The following NUP98 variants were observed in gnomAD, a reference collection of about 807,000 sequenced individuals.
NUP98 encodes the protein nuclear pore complex protein Nup98-Nup96.
In NUP98, 26 loss-of-function variants were observed where a neutral mutation model predicts 191.9. The ratio of observed to expected loss-of-function variants is 0.14; its 90% confidence interval spans 0.10 to 0.19. The LOEUF (loss-of-function observed/expected upper bound fraction) is 0.19, where lower values mean the gene tolerates loss of function less well. Among genes scored for constraint, NUP98 ranks in the 10% least tolerant of loss-of-function variants. The pLI is 1.00. For synonymous variants in NUP98, 808 were observed against 778.4 expected (o/e 1.04, Z -0.63); for missense variants, 1,941 against 2,178.8 (o/e 0.89, Z 2.17).
Position 3,732,731 on chromosome 11 carries a change from T to C in NUP98, c.1543-1153A>G, listed in dbSNP as rs549410224. On this transcript the variant is annotated intron_variant, in intron 13 of 32. Coordinates refer to ENST00000324932, the MANE Select transcript of NUP98 (RefSeq NM_016320.5). ...CACCTCTACAACATCCTGAGGATGT[T>C]CTATATTTGTTTTCCTAACAGCATA... Among the ~76,000 whole-genome samples, 4 of 152,344 alleles carry C rather than the reference T, an allele frequency of 2.6e-5. No homozygotes were observed. In the South Asian group the frequency reaches 6.2e-4, roughly 24 times the overall value.
chr11:3,762,412 G>A (rs1419716446), intron 9 of NUP98, among the ~76,000 whole-genome samples: 1 of 151,724 alleles, frequency 6.6e-6, no homozygotes, highest in Non-Finnish European at 1.5e-5. Flanking sequence ...GTGAGCCACC[G>A]CGCCTGGCTC....
intron 16 of NUP98, among the ~76,000 whole-genome samples, chr11:3,721,546 A>C (rs2079400928): frequency 6.6e-6 from 1 of 152,124 alleles, no homozygotes; most frequent in East Asian, 1.9e-4. Context: ...CAAAAATACA[A>C]AAATTAGCTG....
At chr11:3,688,300 G>A (rs2078190213) in intron 28 of NUP98, among the ~76,000 whole-genome samples, 1 of 152,058 alleles carries the variant, frequency 6.6e-6, no homozygotes, top group Non-Finnish European at 1.5e-5. Context: ...CAGCTACTCG[G>A]GAAGCTGAGG....
At chr11:3,717,563 C>G (rs2079230486) in intron 18 of NUP98, among the ~76,000 whole-genome samples, 1 of 152,096 alleles carries the variant, frequency 6.6e-6, no homozygotes. Flanking sequence ...TTGTTTATAA[C>G]TAGTAAGTTT....
At chr11:3,793,376 G>A (rs991600363) in intron 1 of NUP98, among the ~76,000 whole-genome samples, 2 of 151,886 alleles carry the variant, frequency 1.3e-5, no homozygotes, top group Non-Finnish European at 2.9e-5. Flanking sequence ...TGCAACCTCT[G>A]CCTCCTGGGT....
At chr11:3,783,316 A>G (rs944595263) in intron 1 of NUP98, among the ~76,000 whole-genome samples, 4 of 152,262 alleles carry the variant, frequency 2.6e-5, no homozygotes, top group African/African-American at 9.6e-5. Context: ...TGAGCCCAGA[A>G]GGTGGAGGTT....
rs549214359 is a variant in NUP98 at position 3,698,725 on chromosome 11, CAAAAAAAAA to C, written c.4009+348_4009+356del. Among the ~76,000 whole-genome samples the C allele has an allele frequency of 1.4e-4, 5 of 35,752 alleles. 1 individual carries two copies. The highest frequency in any genetic ancestry group is 1.3e-3 in the East Asian group (1 of 766). 23.5% of individuals were successfully genotyped at this position (35,752 alleles called of 152,430 possible). Reference sequence around the variant, plus strand: ...CTGGGCAACAAGAGTGAAACTGTCTCAAAAAAAAAAAAAAAAAAAAAAAAAAGTCATGGT... The same window carrying C: ...CTGGGCAACAAGAGTGAAACTGTCTCAAAAAAAAAAAAAAAAAGTCATGGT... On this transcript the variant is annotated intron_variant, in intron 25 of 32. Coordinates refer to ENST00000324932, the MANE Select transcript of NUP98 (RefSeq NM_016320.5).
chr11:3,735,723 T>C (rs531037002), intron 12 of NUP98, among the ~76,000 whole-genome samples: 2 of 150,394 alleles, frequency 1.3e-5, no homozygotes, highest in East Asian at 3.9e-4. Flanking sequence ...CTAAAGGAAA[T>C]AATACGACAG....
At chr11:3,680,806 C>A (rs192414945) in intron 30 of NUP98, among the ~76,000 whole-genome samples, 1 of 152,164 alleles carries the variant, frequency 6.6e-6, no homozygotes, top group Non-Finnish European at 1.5e-5. Context: ...TCTTGGCCCC[C>A]CAAAGTGCTG....
chr11:3,693,739 T>G (rs1221841678), intron 26 of NUP98, among the ~76,000 whole-genome samples: 2 of 152,124 alleles, frequency 1.3e-5, no homozygotes, highest in African/African-American at 2.4e-5. Context: ...TGAGAGCCAT[T>G]GAGAGCAGAG....
intron 1 of NUP98, among the ~76,000 whole-genome samples, chr11:3,793,742 G>A (rs1041004002): frequency 3.9e-5 from 6 of 151,990 alleles, no homozygotes; most frequent in South Asian, 2.1e-4. Context: ...AGGCCAAAGC[G>A]GGTGGATTGC....
At chr11:3,770,547 T>TTG (rs34103771) in intron 7 of NUP98, among the ~76,000 whole-genome samples, 12,797 of 146,996 alleles carry the variant, frequency 0.087, 557 homozygotes, top group East Asian at 0.16. Flanking sequence ...AAATACGTAT[T>TTG]TGTGTGTGTG....
At chr11:3,791,209 C>G (rs2082335185) in intron 1 of NUP98, among the ~76,000 whole-genome samples, 1 of 151,884 alleles carries the variant, frequency 6.6e-6, no homozygotes, top group Non-Finnish European at 1.5e-5. Context: ...ATTTTAATTT[C>G]AAAGAATGAT....
At chr11:3,723,119 C>CTGGTAAGAGAT (rs1240450384) in intron 16 of NUP98, 38 bp downstream of exon 16, 1 of 1,587,430 alleles carries the variant, frequency 6.3e-7, no homozygotes, top group South Asian at 1.1e-5. Context: ...TCTCGAATGA[C>CTGGTAAGAGAT]TGGTAAGAGA....
intron 24 of NUP98, among the ~76,000 whole-genome samples, chr11:3,699,874 G>T (rs770655869): frequency 1.3e-5 from 2 of 152,170 alleles, no homozygotes; most frequent in African/African-American, 4.8e-5. Flanking sequence ...TAAACAAAAT[G>T]ATTTTTCTAC....
At chr11:3,788,773 C>T (rs2082232791) in intron 1 of NUP98, among the ~76,000 whole-genome samples, 1 of 151,766 alleles carries the variant, frequency 6.6e-6, no homozygotes, top group South Asian at 2.1e-4. Context: ...AAGGAGAAAC[C>T]CCGTCTCTAC....
chr11:3,688,820 C>CATATATATATATATAT lies in NUP98; in HGVS notation c.4454+2511_4454+2526dup, dbSNP rs71041372. On this transcript the variant is annotated intron_variant, in intron 28 of 32. Coordinates refer to ENST00000324932, the MANE Select transcript of NUP98 (RefSeq NM_016320.5). ...AAATATATATATGTATTTAAATATACATATATATATATATATATATATTTA... is the reference window on the plus strand; with the variant it reads ...AAATATATATATGTATTTAAATATACATATATATATATATATATATATATATATATATATATATTTA... Among the ~76,000 whole-genome samples the CATATATATATATATAT allele has an allele frequency of 2.9e-3, 389 of 136,218 alleles. 1 individual carries two copies. The highest frequency in any genetic ancestry group is 6.5e-3 in the East Asian group (31 of 4,800). The allele number at this position is 136,218 out of a possible 152,430, so 89.4% of individuals were successfully genotyped here.
chr11:3,760,712 T>G, intron 9 of NUP98, 86 bp from the exon 10 acceptor site: 1 of 1,105,216 alleles, frequency 9.0e-7, no homozygotes, highest in Non-Finnish European at 1.3e-6. Context: ...TATACTGGGT[T>G]GGGTATGGGG....
intron 29 of NUP98, among the ~76,000 whole-genome samples, chr11:3,684,004 TCAAGAC>T (rs79014374): frequency 0.53 from 80,147 of 150,306 alleles, 21,992 homozygotes; most frequent in Admixed American, 0.71. Flanking sequence ...GGTCAGGAGT[TCAAGAC>T]CAGCCTGGCC....
Sources: allele counts gnomAD v4.1 joint callset (sites outside exome capture counted in the v4.1 genomes callset), GRCh38; gene constraint gnomAD v4.1.1; transcripts MANE v1.5; gene names NCBI Gene and HGNC (gene_info 2026-07-23, HGNC 2026-07-21).